Variants in ATXN8OS observed in about 807,000 individuals in gnomAD.
The protein encoded by ATXN8OS is ATXN8 opposite strand lncRNA, also known as ATXN8 opposite strand (non-protein coding).
intron 4 of ATXN8OS, among the ~76,000 whole-genome samples, chr13:70,160,916 A>G (rs1369558228): frequency 6.7e-6 from 1 of 150,080 alleles, no homozygotes; most frequent in African/African-American, 2.4e-5. Flanking sequence ...ATTATAACAC[A>G]TAGTGAAATA....
rs1321654369 is a variant in ATXN8OS at position 70,169,849 on chromosome 13, T to C, written n.670T>C. Among the ~76,000 whole-genome samples the C allele has an allele frequency of 2.0e-5, 3 of 152,072 alleles. No individual in the cohort carries two copies. In the East Asian group the frequency reaches 5.8e-4, roughly 29 times the overall value. ...GATTAAGTCCTGGTCCTTGCCTCTA[T>C]TTGGGACAAATATGAAGAACCATCC... On this transcript the variant is annotated non_coding_transcript_exon_variant, in exon 5 of 5. Coordinates refer to ENST00000678624, the Ensembl canonical transcript of ATXN8OS.
At chr13:70,145,360 T>G (rs554134746) in intron 3 of ATXN8OS, among the ~76,000 whole-genome samples, 6 of 152,008 alleles carry the variant, frequency 3.9e-5, no homozygotes, top group Non-Finnish European at 5.9e-5. Context: ...ATATGAACTT[T>G]AAAGTAGTTT....
At chr13:70,161,210 C>T (rs1041269554) in intron 4 of ATXN8OS, among the ~76,000 whole-genome samples, 2 of 151,502 alleles carry the variant, frequency 1.3e-5, no homozygotes, top group African/African-American at 4.8e-5. Context: ...ACAGAGTGTT[C>T]CCATATAGCA....
At chr13:70,116,924 T>C (rs901853708) in intron 2 of ATXN8OS, among the ~76,000 whole-genome samples, 1 of 152,102 alleles carries the variant, frequency 6.6e-6, no homozygotes. Flanking sequence ...TGTCTATCTT[T>C]TACTCCCCTA....
chr13:70,166,276 C>T (rs1195126371), intron 4 of ATXN8OS, among the ~76,000 whole-genome samples: 1 of 152,036 alleles, frequency 6.6e-6, no homozygotes, highest in Non-Finnish European at 1.5e-5. Context: ...TACTACAAGG[C>T]TACAGTAACC....
At chr13:70,143,477 CAAATGA>C (rs1888743713) in intron 3 of ATXN8OS, among the ~76,000 whole-genome samples, 1 of 152,114 alleles carries the variant, frequency 6.6e-6, no homozygotes, top group African/African-American at 2.4e-5. Flanking sequence ...GTGCTCACGT[CAAATGA>C]AAATTAAGGT....
chr13:70,153,083 A>G (rs1042101737), intron 4 of ATXN8OS, among the ~76,000 whole-genome samples: 1 of 151,542 alleles, frequency 6.6e-6, no homozygotes, highest in African/African-American at 2.4e-5. Context: ...ACGAATGCAT[A>G]ACAGAGATGT....
intron 3 of ATXN8OS, among the ~76,000 whole-genome samples, chr13:70,145,160 T>C (rs1347681413): frequency 6.6e-6 from 1 of 152,154 alleles, no homozygotes; most frequent in African/African-American, 2.4e-5. Context: ...CAGATGGTTG[T>C]AGGTATGTGG....
intron 2 of ATXN8OS, among the ~76,000 whole-genome samples, chr13:70,121,734 A>G (rs1464164820): frequency 6.6e-6 from 1 of 151,944 alleles, no homozygotes; most frequent in Non-Finnish European, 1.5e-5. Flanking sequence ...AACATATATT[A>G]TCTTATGTTA....
intron 4 of ATXN8OS, among the ~76,000 whole-genome samples, chr13:70,163,128 T>C (rs986288657): frequency 3.3e-5 from 5 of 152,134 alleles, no homozygotes; most frequent in Non-Finnish European, 7.4e-5. Context: ...ATAGTAATTA[T>C]GACAAATCCT....
chr13:70,133,740 C>T (rs1405360373), intron 3 of ATXN8OS, among the ~76,000 whole-genome samples: 1 of 152,032 alleles, frequency 6.6e-6, no homozygotes, highest in Non-Finnish European at 1.5e-5. Context: ...GGCTCCCAGC[C>T]GTTGGGAGAG....
At chr13:70,131,509 C>T in intron 3 of ATXN8OS, 1 of 398,342 alleles carries the variant, frequency 2.5e-6, no homozygotes, top group Non-Finnish European at 4.4e-6. Flanking sequence ...TTTACATGCT[C>T]TCTATATTCC....
intron 4 of ATXN8OS, among the ~76,000 whole-genome samples, chr13:70,168,960 T>A (rs1403989621): frequency 1.3e-5 from 2 of 152,152 alleles, no homozygotes; most frequent in African/African-American, 4.8e-5. Context: ...GTTGTTTTGT[T>A]TGTTAACTAT....
intron 4 of ATXN8OS, among the ~76,000 whole-genome samples, chr13:70,167,109 A>G (rs1384552797): frequency 1.4e-4 from 22 of 152,058 alleles, no homozygotes; most frequent in South Asian, 4.2e-4. Context: ...TCAGTGTGGC[A>G]ATTCCTCAGG....
At chr13:70,126,965 C>A (rs574677448) in intron 2 of ATXN8OS, among the ~76,000 whole-genome samples, 40 of 151,680 alleles carry the variant, frequency 2.6e-4, no homozygotes, top group African/African-American at 9.4e-4. Context: ...ATATATCTAT[C>A]TATAGATACA....
intron 1 of ATXN8OS, among the ~76,000 whole-genome samples, chr13:70,113,689 C>T (rs1426918168): frequency 1.3e-5 from 2 of 152,058 alleles, no homozygotes; most frequent in Non-Finnish European, 2.9e-5. Flanking sequence ...TTTCTGTTGT[C>T]TCTTTTGAGA....
chr13:70,110,452 T>A (rs992954841), intron 1 of ATXN8OS, among the ~76,000 whole-genome samples: 27 of 151,926 alleles, frequency 1.8e-4, no homozygotes, highest in African/African-American at 6.3e-4. Context: ...TTATATTATT[T>A]TCACTTGATT....
intron 4 of ATXN8OS, among the ~76,000 whole-genome samples, chr13:70,150,758 A>G (rs1888855345): frequency 6.6e-6 from 1 of 152,124 alleles, no homozygotes; most frequent in African/African-American, 2.4e-5. Context: ...TATTTCTACT[A>G]CAGGAGTTAT....
At chr13:70,159,903 T>G (rs1888983085) in intron 4 of ATXN8OS, among the ~76,000 whole-genome samples, 1 of 152,242 alleles carries the variant, frequency 6.6e-6, no homozygotes, top group Admixed American at 6.5e-5. Context: ...TGAATGTGTA[T>G]GTACAGTGTG....
Sources: allele counts gnomAD v4.1 joint callset (sites outside exome capture counted in the v4.1 genomes callset), GRCh38; gene constraint gnomAD v4.1.1; transcripts MANE v1.5; gene names NCBI Gene and HGNC (gene_info 2026-07-23, HGNC 2026-07-21).